The following CA5A variants were observed in gnomAD, a reference collection of about 807,000 sequenced individuals.
CA5A encodes carbonic anhydrase 5A, mitochondrial.
A neutral mutation model predicts 37.1 loss-of-function variants in CA5A; 28 were observed. The ratio of observed to expected loss-of-function variants is 0.75; its 90% CI spans 0.56 to 1.03. CA5A has a LOEUF of 1.03. Among genes scored for constraint, CA5A ranks in the 50% least tolerant of loss-of-function variants. The probability of loss-of-function intolerance (pLI) is 0.00; values close to 1 mark genes in which losing one functional copy is unlikely to be tolerated. For missense variants in CA5A, 444 were observed against 399.9 expected, an observed-to-expected ratio of 1.11 and a Z score of -0.94; for synonymous variants, 171 against 158.4, an observed-to-expected ratio of 1.08 and a Z score of -0.60.
intron 1 of CA5A, among the ~76,000 whole-genome samples, chr16:87,928,320 T>G (rs1159158155): frequency 6.6e-6 from 1 of 152,106 alleles, no homozygotes; most frequent in Admixed American, 6.5e-5. Context: ...AACACCACCA[T>G]GCCTGGCTAA....
intron 5 of CA5A, among the ~76,000 whole-genome samples, chr16:87,894,181 T>A (rs1477518965): frequency 6.6e-6 from 1 of 151,992 alleles, no homozygotes; most frequent in Non-Finnish European, 1.5e-5. Flanking sequence ...CAGGCTGGAG[T>A]GCCGTGGCAT....
At chr16:87,903,876 ATTTCT>A (rs1212401672) in intron 3 of CA5A, among the ~76,000 whole-genome samples, 1 of 152,168 alleles carries the variant, frequency 6.6e-6, no homozygotes, top group African/African-American at 2.4e-5. Flanking sequence ...CTTCTCGTTC[ATTTCT>A]TTTCATTTTT....
intron 2 of CA5A, among the ~76,000 whole-genome samples, chr16:87,917,859 G>A (rs1337543035): frequency 7.3e-5 from 11 of 151,382 alleles, no homozygotes; most frequent in Admixed American, 2.6e-4. Flanking sequence ...ACATGTAGTC[G>A]CTTTAGGAAC....
At chr16:87,918,044 C>T (rs1362378793) in intron 2 of CA5A, among the ~76,000 whole-genome samples, 2 of 152,256 alleles carry the variant, frequency 1.3e-5, no homozygotes, top group Non-Finnish European at 2.9e-5. Flanking sequence ...TGTCTCTCAT[C>T]TTGGAGCTGC....
At chr16:87,932,749 G>T (rs2085173354) in intron 1 of CA5A, among the ~76,000 whole-genome samples, 1 of 151,896 alleles carries the variant, frequency 6.6e-6, no homozygotes, top group Admixed American at 6.6e-5. Context: ...CACGGGCGCA[G>T]TCTGGAAGGA....
chr16:87,915,158 C>G (rs34703994), intron 2 of CA5A, among the ~76,000 whole-genome samples: 1,828 of 152,316 alleles, frequency 0.012, 17 homozygotes, highest in Non-Finnish European at 0.018. Context: ...CGCCTTTGAT[C>G]GCATTTATCA....
At chr16:87,926,689 G>A (rs1163418799) in intron 2 of CA5A, 59 bp downstream of exon 2, 2 of 1,374,998 alleles carry the variant, frequency 1.5e-6, no homozygotes, top group African/African-American at 1.4e-5. Flanking sequence ...CGAAGCTCTT[G>A]ACCCTGCTGC....
chr16:87,902,761 A>G (rs934645436), intron 3 of CA5A, among the ~76,000 whole-genome samples: 4 of 151,700 alleles, frequency 2.6e-5, no homozygotes, highest in African/African-American at 9.7e-5. Flanking sequence ...AAAAAAAAAA[A>G]ATTAGCTGGG....
chr16:87,934,815 T>A (rs1022631066), intron 1 of CA5A, among the ~76,000 whole-genome samples: 1 of 151,458 alleles, frequency 6.6e-6, no homozygotes, highest in Non-Finnish European at 1.5e-5. Context: ...CAGAAATTAG[T>A]TGGGCGTGGT....
At chr16:87,898,585 G>A (rs551150709) in intron 5 of CA5A, among the ~76,000 whole-genome samples, 179 of 152,272 alleles carry the variant, frequency 1.2e-3, no homozygotes, top group African/African-American at 4.1e-3. Context: ...TTTCGTGACG[G>A]GCAGCAGCAG....
intron 5 of CA5A, among the ~76,000 whole-genome samples, 170 bp downstream of exon 5, chr16:87,901,742 C>A (rs539394398): frequency 6.6e-6 from 1 of 151,968 alleles, no homozygotes. Context: ...CATGTGCCAC[C>A]GCACCCAGCT....
intron 2 of CA5A, among the ~76,000 whole-genome samples, chr16:87,912,328 C>T (rs1246037928): frequency 1.3e-5 from 2 of 152,010 alleles, no homozygotes; most frequent in Non-Finnish European, 2.9e-5. Flanking sequence ...ATAAAATAAA[C>T]TAAAATTGCT....
intron 2 of CA5A, among the ~76,000 whole-genome samples, chr16:87,917,170 T>C (rs1227203412): frequency 6.7e-6 from 1 of 149,636 alleles, no homozygotes; most frequent in African/African-American, 2.5e-5. Flanking sequence ...TGGATCCAAA[T>C]GATAACAACA....
intron 3 of CA5A, among the ~76,000 whole-genome samples, chr16:87,903,038 G>C (rs181204348): frequency 0.018 from 2,512 of 138,530 alleles, 28 homozygotes; most frequent in Non-Finnish European, 0.029. Flanking sequence ...CTTCCTGGTG[G>C]GGGGGGAAAG....
chr16:87,915,820 A>C (rs529111672), intron 2 of CA5A, among the ~76,000 whole-genome samples: 1 of 151,994 alleles, frequency 6.6e-6, no homozygotes, highest in Non-Finnish European at 1.5e-5. Context: ...TGTATTTGGT[A>C]AGCTTTTGTT....
intron 2 of CA5A, among the ~76,000 whole-genome samples, chr16:87,915,044 G>A (rs1417476383): frequency 1.3e-5 from 2 of 152,334 alleles, no homozygotes; most frequent in Admixed American, 6.5e-5. Context: ...CATCCTGAGC[G>A]TTTCACGGAC....
downstream of CA5A, chr16:87,883,633 T>C (rs2055626291): frequency 2.3e-5 from 3 of 132,324 alleles, no homozygotes; most frequent in Admixed American, 7.8e-5. Context: ...CCCGGCCTAC[T>C]TTTCGTATTT....
intron 2 of CA5A, among the ~76,000 whole-genome samples, chr16:87,909,003 T>TTTG (rs1567524425): frequency 6.6e-6 from 1 of 151,110 alleles, no homozygotes; most frequent in African/African-American, 2.4e-5. Flanking sequence ...TTTTTTTTTT[T>TTTG]TGTATTTTTA....
At chr16:87,926,089 G>A (rs1307723454) in intron 2 of CA5A, among the ~76,000 whole-genome samples, 1 of 152,162 alleles carries the variant, frequency 6.6e-6, no homozygotes, top group Non-Finnish European at 1.5e-5. Context: ...TGGGCATGGT[G>A]GCAGACACCT....
Sources: allele counts gnomAD v4.1 joint callset (sites outside exome capture counted in the v4.1 genomes callset), GRCh38; gene constraint gnomAD v4.1.1; transcripts MANE v1.5; gene names NCBI Gene and HGNC (gene_info 2026-07-23, HGNC 2026-07-21).